The following SMURF1 variants were observed in gnomAD, a reference collection of about 807,000 sequenced individuals.
SMURF1 encodes the protein E3 ubiquitin-protein ligase SMURF1.
Under a neutral mutation model 98.0 loss-of-function variants are expected in SMURF1, and 44 were observed. The observed-to-expected ratio is 0.45, with a 90% CI of 0.35 to 0.58. SMURF1 has a LOEUF of 0.58. Among genes scored for constraint, SMURF1 ranks in the 20% least tolerant of loss-of-function variants. SMURF1 has a pLI of 0.00. For missense variants in SMURF1, 687 were observed against 938.4 expected, an observed-to-expected ratio of 0.73 and a Z score of 3.50; for synonymous variants, 396 against 374.9, an observed-to-expected ratio of 1.06 and a Z score of -0.65.
chr7:99,082,762 G>A (rs1796599412), intron 1 of SMURF1, among the ~76,000 whole-genome samples: 1 of 152,108 alleles, frequency 6.6e-6, no homozygotes, highest in African/African-American at 2.4e-5. Context: ...AAAACAACAA[G>A]AAAACACCTT....
At chr7:99,142,587 G>A (rs1225923994) in intron 1 of SMURF1, among the ~76,000 whole-genome samples, 2 of 143,224 alleles carry the variant, frequency 1.4e-5, no homozygotes, top group South Asian at 2.3e-4. Flanking sequence ...AATGAGGGCG[G>A]GGCTTGAAAG....
chr7:99,086,846 A>G (rs978217481), intron 1 of SMURF1, among the ~76,000 whole-genome samples: 4 of 152,234 alleles, frequency 2.6e-5, no homozygotes, highest in Admixed American at 2.0e-4. Context: ...ATTTATCGGA[A>G]ATGTCCAGAA....
intron 9 of SMURF1, 30 bp downstream of exon 9, chr7:99,049,533 G>A (rs1415153238): frequency 3.1e-6 from 5 of 1,603,728 alleles, no homozygotes; most frequent in Admixed American, 3.4e-5. Context: ...CAATGAAAGA[G>A]GTCAGCAAAA....
At chr7:99,036,303 C>T (rs1795138623) in intron 15 of SMURF1, 1 of 157,240 alleles carries the variant, frequency 6.4e-6, no homozygotes, top group African/African-American at 2.4e-5. Flanking sequence ...CATGGCAAAA[C>T]CCCGTCTCTA....
chr7:99,034,679 GCAGA>G (rs1795060485), intron 16 of SMURF1, among the ~76,000 whole-genome samples: 3 of 152,134 alleles, frequency 2.0e-5, no homozygotes. Context: ...TCATGGTCAG[GCAGA>G]CAGAGGCTCC....
At chr7:99,104,882 C>T (rs906235925) in intron 1 of SMURF1, among the ~76,000 whole-genome samples, 2 of 152,172 alleles carry the variant, frequency 1.3e-5, no homozygotes, top group South Asian at 4.1e-4. Context: ...ATGCTGGTTT[C>T]CTGGTCACCC....
rs921402864 is a variant in SMURF1, at chr7:99,052,119, C to T, written c.721+86G>A. On this transcript the variant is annotated intron_variant, in intron 7 of 17. Coordinates refer to ENST00000361368, the MANE Select transcript of SMURF1 (RefSeq NM_181349.3). ...CACTGCACTCCAGCATGGGTGACAGCAAGACCTTGTCTCAAAAAAAAAAAA... is the reference window on the plus strand; with the variant it reads ...CACTGCACTCCAGCATGGGTGACAGTAAGACCTTGTCTCAAAAAAAAAAAA... 1.2e-5 allele frequency: 17 copies of T among 1,460,102 alleles called. No homozygotes were observed. In the Admixed American group the frequency reaches 2.7e-4, roughly 23 times the overall value. 90.4% of individuals were successfully genotyped at this position (1,460,102 alleles called of 1,614,324 possible). A position where few individuals can be genotyped will look rare whatever the true frequency, so the allele number is the denominator to read the frequency against.
Position 99,040,504 on chromosome 7 carries a change from AAC to A in SMURF1, c.1422_1423del (p.Phe475ProfsTer36). On this transcript the variant is annotated frameshift_variant, in exon 13 of 18. Coordinates refer to ENST00000361368, the MANE Select transcript of SMURF1 (RefSeq NM_181349.3). LOFTEE classifies it high-confidence loss of function. The stretch of plus-strand genomic sequence containing the variant: ...GCCCCCGTTGATGTAGTGTCCATGG[AAC>A]ACAGCCAGCCCCATGATCCGCCCCA... 1 of 1,571,014 alleles carries A rather than the reference AAC, an allele frequency of 6.4e-7. No homozygotes were observed. The highest frequency in any genetic ancestry group is 8.6e-7 in the Non-Finnish European group (1 of 1,158,644).
intron 7 of SMURF1, among the ~76,000 whole-genome samples, chr7:99,051,771 T>C (rs957019693): frequency 6.6e-6 from 1 of 152,216 alleles, no homozygotes; most frequent in Admixed American, 6.5e-5. Context: ...TTTAGGACCA[T>C]TGTCTTCCAG....
rs1174824626 is a variant in SMURF1 at position 99,030,179 on chromosome 7, G to C, written c.*405C>G. On this transcript the variant is annotated 3_prime_UTR_variant, in exon 18 of 18. Coordinates refer to ENST00000361368, the MANE Select transcript of SMURF1 (RefSeq NM_181349.3). Reference sequence around the variant, plus strand: ...CTCAAGGCTGTTTTGAGATGGAATAGCTGGCATAGCCACCAGTTCCAAACC... The same window carrying C: ...CTCAAGGCTGTTTTGAGATGGAATACCTGGCATAGCCACCAGTTCCAAACC... 1 of 165,800 alleles carries C rather than the reference G, an allele frequency of 6.0e-6. No homozygotes were observed. Among genetic ancestry groups the C allele is most frequent in the Non-Finnish European group, 1.3e-5 (1 of 76,004 alleles). The allele number at this position is 165,800 out of a possible 1,614,324, so 10.3% of individuals were successfully genotyped here.
chr7:99,058,645 G>A (rs1429853399), intron 3 of SMURF1, among the ~76,000 whole-genome samples: 1 of 152,144 alleles, frequency 6.6e-6, no homozygotes, highest in Non-Finnish European at 1.5e-5. Context: ...CACAGCCTCA[G>A]TGTCACTGAA....
In SMURF1 at chr7:99,087,707, G is replaced by A. The variant is rs575093962; in HGVS notation, c.56-25870C>T. On this transcript the variant is annotated intron_variant, in intron 1 of 17. Transcript: ENST00000361368. ...GCCGCGCACATTAAATGACTCCTCC[G>A]ACGCTATCAATCCATCTTTTGTGCT... Among the ~76,000 whole-genome samples the A allele has an allele frequency of 1.1e-4, 17 of 152,180 alleles. No individual in the cohort carries two copies. The South Asian group carries it at 3.3e-3, about 30-fold the overall frequency.
intron 1 of SMURF1, among the ~76,000 whole-genome samples, chr7:99,118,949 C>T (rs1421210145): frequency 1.3e-5 from 2 of 149,656 alleles, no homozygotes; most frequent in Non-Finnish European, 3.0e-5. Context: ...CAGCCTCAAC[C>T]TTCTGGGCTC....
At chr7:99,045,441 C>T in intron 11 of SMURF1, 1 of 478,406 alleles carries the variant, frequency 2.1e-6, no homozygotes, top group Non-Finnish European at 3.7e-6. Flanking sequence ...TTAATTCTAG[C>T]TTTACAAGAA....
At chr7:99,141,951 A>C (rs1317115177) in intron 1 of SMURF1, among the ~76,000 whole-genome samples, 2 of 152,156 alleles carry the variant, frequency 1.3e-5, no homozygotes, top group African/African-American at 2.4e-5. Flanking sequence ...TTCCTTCCAG[A>C]GCTGGAAATA....
At chr7:99,120,934 G>C (rs539443808) in intron 1 of SMURF1, among the ~76,000 whole-genome samples, 3 of 151,620 alleles carry the variant, frequency 2.0e-5, no homozygotes, top group Non-Finnish European at 4.4e-5. Context: ...CTTGATAAAG[G>C]GGTGGTATAC....
At chr7:99,054,653 C>A in intron 6 of SMURF1, 137 bp downstream of exon 6, 1 of 727,414 alleles carries the variant, frequency 1.4e-6, no homozygotes, top group South Asian at 1.7e-5. Context: ...TAAACTGGTT[C>A]ACAGTTTTAT....
chr7:99,079,062 C>T (rs557666525), intron 1 of SMURF1, among the ~76,000 whole-genome samples: 1 of 152,318 alleles, frequency 6.6e-6, no homozygotes, highest in East Asian at 1.9e-4. Context: ...GACACAGCCA[C>T]CCTCAGGCAA....
chr7:99,044,725 T>C (rs1409991175), intron 11 of SMURF1, among the ~76,000 whole-genome samples: 1 of 152,240 alleles, frequency 6.6e-6, no homozygotes, highest in Non-Finnish European at 1.5e-5. Flanking sequence ...AGATCCATAT[T>C]ACTAAATTGA....
Sources: gnomAD v4.1 joint callset for allele counts (sites outside exome capture counted in the v4.1 genomes callset) on GRCh38, gnomAD v4.1.1 for gene constraint, MANE v1.5 for transcripts, NCBI Gene and HGNC (gene_info 2026-07-23, HGNC 2026-07-21) for gene names.